EMID1: variants seen among roughly 807,000 people sequenced by gnomAD.
The protein encoded by EMID1 is EMI domain containing 1, also known as EMI domain-containing protein 1.
In EMID1, 40 loss-of-function variants were observed where a neutral mutation model predicts 60.6. That is an observed-to-expected ratio of 0.66 (90% CI 0.51 to 0.86). The LOEUF (loss-of-function observed/expected upper bound fraction) is 0.86. Among genes scored for constraint, EMID1 ranks in the 40% least tolerant of loss-of-function variants. The pLI is 0.00. For missense variants in EMID1, 585 were observed against 597.1 expected (o/e 0.98, Z 0.21); for synonymous variants, 242 against 231.0 (o/e 1.05, Z -0.43).
chr22:29,232,105 C>T, intron 7 of EMID1, 151 bp from the exon 8 acceptor site: 1 of 785,008 alleles, frequency 1.3e-6, no homozygotes, highest in Non-Finnish European at 2.1e-6. Flanking sequence ...CTGTGCTCAT[C>T]CCCCTGTTAG....
intron 14 of EMID1, chr22:29,255,283 C>T: frequency 7.0e-7 from 1 of 1,434,036 alleles, no homozygotes; most frequent in Non-Finnish European, 9.3e-7. Context: ...TCCTAGCTTA[C>T]AGAGCTTCCT....
chr22:29,250,473 G>A (rs1332488271), intron 13 of EMID1, among the ~76,000 whole-genome samples: 1 of 152,200 alleles, frequency 6.6e-6, no homozygotes, highest in South Asian at 2.1e-4. Context: ...CACCTGTGGT[G>A]CCTTTTATTG....
Position 29,254,270 on chromosome 22 carries a change from C to T in EMID1, c.1187C>T (p.Thr396Ile). The T allele has an allele frequency of 6.2e-7, 1 of 1,614,124 alleles. No homozygotes were observed. Among genetic ancestry groups the T allele is most frequent in the Non-Finnish European group, 8.5e-7 (1 of 1,179,976 alleles). Residue 396 changes from threonine (T) to isoleucine (I), a missense_variant, in exon 14 of 15, where the codon ACA (threonine) becomes ATA (isoleucine). Thr to Ile is a moderately conservative substitution (Grantham distance 89). Transcript: ENST00000334018. The stretch of plus-strand genomic sequence containing the variant: ...GCTGAGAGGGTTTTAATCTTGGAAA[C>T]AATGATTGGGCTCTATGGTGAGTAG... The part of the protein sequence containing the change: ...ILAERVLILE[T>I]MIGLYEPELG...
Position 29,205,988 on chromosome 22 carries a change from G to A in EMID1, c.-51G>A, listed in dbSNP as rs1236533830. 4.5e-6 allele frequency: 5 copies of A among 1,121,128 alleles called. No individual in the cohort carries two copies. Among genetic ancestry groups the A allele is most frequent in the Non-Finnish European group, 5.5e-6 (5 of 907,366 alleles). The allele number at this position is 1,121,128 out of a possible 1,614,324, so 69.4% of individuals were successfully genotyped here. On this transcript the variant is annotated 5_prime_UTR_variant, in exon 1 of 15. Transcript: ENST00000334018. ...GCGGGCAGGCAGGCGGGGAGGACAG[G>A]CTGGGGGCGGCGACCGCGAGGGGCC...
chr22:29,236,844 T>C (rs1391181348), intron 12 of EMID1, among the ~76,000 whole-genome samples: 4 of 151,764 alleles, frequency 2.6e-5, no homozygotes, highest in Non-Finnish European at 5.9e-5. Flanking sequence ...TCGCCCAGGC[T>C]GGAGTCTAGT....
At chr22:29,255,043 C>G (rs1260461497) in intron 14 of EMID1, among the ~76,000 whole-genome samples, 1 of 152,132 alleles carries the variant, frequency 6.6e-6, no homozygotes, top group Non-Finnish European at 1.5e-5. Flanking sequence ...TCACTCACCC[C>G]AGGCATTCAT....
rs2040427215 is a variant in EMID1, at chr22:29,224,542, C to T, written c.320-591C>T. On this transcript the variant is annotated intron_variant, in intron 3 of 14. Coordinates refer to ENST00000334018, the MANE Select transcript of EMID1 (RefSeq NM_133455.4). ...TCCCCTTGCCCTCCCAGGCAGCCAGCCTCCCTCTGGTTTTCATTTAAAACC... is the reference window on the plus strand; with the variant it reads ...TCCCCTTGCCCTCCCAGGCAGCCAGTCTCCCTCTGGTTTTCATTTAAAACC... Among the ~76,000 whole-genome samples, 5 of 152,322 alleles carry T rather than the reference C, an allele frequency of 3.3e-5. No homozygotes were observed. The South Asian group carries it at 1.0e-3, about 32-fold the overall frequency.
At chr22:29,234,675 C>T (rs1450415477) in intron 12 of EMID1, among the ~76,000 whole-genome samples, 5 of 152,054 alleles carry the variant, frequency 3.3e-5, no homozygotes, top group South Asian at 2.1e-4. Context: ...TTTTGCTTTA[C>T]GTATTTTGAG....
At chr22:29,231,309 A>G in intron 6 of EMID1, 169 bp downstream of exon 6, 2 of 1,020,374 alleles carry the variant, frequency 2.0e-6, no homozygotes, top group Non-Finnish European at 2.8e-6. Flanking sequence ...GTCTCCTGGG[A>G]CTCCTGAATG....
intron 14 of EMID1, among the ~76,000 whole-genome samples, chr22:29,256,760 C>T (rs1054160788): frequency 2.0e-5 from 3 of 152,074 alleles, no homozygotes; most frequent in Admixed American, 6.6e-5. Context: ...GGGGACTCTG[C>T]GTTGCGTCCT....
chr22:29,217,662 G>A (rs900901545), intron 3 of EMID1, among the ~76,000 whole-genome samples: 1 of 152,236 alleles, frequency 6.6e-6, no homozygotes, highest in East Asian at 1.9e-4. Context: ...ATAAGAGTCT[G>A]CCTCCCTGGG....
intron 13 of EMID1, chr22:29,253,932 C>T (rs2041611932): frequency 1.0e-6 from 1 of 985,348 alleles, no homozygotes; most frequent in Admixed American, 6.1e-5. Context: ...GCCTTCAGCG[C>T]AGCAGGATTT....
intron 1 of EMID1, among the ~76,000 whole-genome samples, chr22:29,211,926 TC>T (rs1358024551): frequency 6.6e-6 from 1 of 150,622 alleles, no homozygotes; most frequent in Non-Finnish European, 1.5e-5. Flanking sequence ...ACCGCAATTT[TC>T]TAAAGGGGCT....
Position 29,231,153 on chromosome 22 carries a change from C to T in EMID1, c.586+13C>T, listed in dbSNP as rs755002603. 1.9e-6 allele frequency: 3 copies of T among 1,588,320 alleles called. No individual in the cohort carries two copies. The highest frequency in any genetic ancestry group is 1.8e-5 in the Admixed American group (1 of 54,722). The stretch of plus-strand genomic sequence containing the variant: ...GGAGGCCTCCAGGGTGAGTGTCAGA[C>T]TCAGACTCCCCTGTGGGAATGAGCA... On this transcript the variant is annotated intron_variant, in intron 6 of 14. Coordinates refer to ENST00000334018, the MANE Select transcript of EMID1 (RefSeq NM_133455.4).
At chr22:29,235,683 A>G (rs1377097731) in intron 12 of EMID1, among the ~76,000 whole-genome samples, 1 of 149,492 alleles carries the variant, frequency 6.7e-6, no homozygotes, top group African/African-American at 2.5e-5. Context: ...CCTCCCAAGT[A>G]TCTGGGACTA....
rs558012353 is a variant in EMID1, at chr22:29,218,831, C to T, written c.319+3201C>T. Among the ~76,000 whole-genome samples the T allele has an allele frequency of 2.6e-5, 4 of 152,346 alleles. No individual in the cohort carries two copies. In the South Asian group the frequency reaches 8.3e-4, roughly 32 times the overall value. On this transcript the variant is annotated intron_variant, in intron 3 of 14. Coordinates refer to ENST00000334018, the MANE Select transcript of EMID1 (RefSeq NM_133455.4). ...AGGCTTCCTGCAGACAGATCAGCCC[C>T]ACTGTCCGGATGATGAAAGTGAAGC...
intron 3 of EMID1, among the ~76,000 whole-genome samples, chr22:29,221,082 T>C (rs1350475796): frequency 2.8e-5 from 2 of 71,302 alleles, no homozygotes; most frequent in Non-Finnish European, 5.2e-5. Context: ...TGTGTGTGTG[T>C]GTGTGTGTGT....
intron 12 of EMID1, among the ~76,000 whole-genome samples, chr22:29,240,242 G>T (rs1303684723): frequency 6.6e-6 from 1 of 152,162 alleles, no homozygotes; most frequent in Non-Finnish European, 1.5e-5. Flanking sequence ...TATCTAGAGG[G>T]AGTTAGAGTT....
chr22:29,209,352 G>A (rs1165566403), intron 1 of EMID1, among the ~76,000 whole-genome samples: 8 of 152,182 alleles, frequency 5.3e-5, no homozygotes, highest in Non-Finnish European at 1.0e-4. Context: ...CAGGAGGGAA[G>A]TGCCGCCTCT....
Sources: allele counts gnomAD v4.1 joint callset (sites outside exome capture counted in the v4.1 genomes callset), GRCh38; gene constraint gnomAD v4.1.1; transcripts MANE v1.5; gene names NCBI Gene and HGNC (gene_info 2026-07-23, HGNC 2026-07-21).